FRRS1: variants seen among roughly 807,000 people sequenced by gnomAD.
FRRS1 encodes the protein ferric chelate reductase 1, also known as ferric reductase 1.
FRRS1 carries 51 observed loss-of-function variants against 70.7 expected under a neutral mutation model. The observed-to-expected ratio is 0.72, with a 90% CI of 0.58 to 0.91. FRRS1 has a LOEUF of 0.91. Ranked by LOEUF, FRRS1 falls within the 40% of genes least tolerant of loss-of-function variation. The probability of loss-of-function intolerance (pLI) is 0.00; values close to 1 mark genes in which losing one functional copy is unlikely to be tolerated. For missense variants in FRRS1, 672 were observed against 726.0 expected, an observed-to-expected ratio of 0.93 and a Z score of 0.86; for synonymous variants, 225 against 238.7, an observed-to-expected ratio of 0.94 and a Z score of 0.53.
intron 1 of FRRS1, among the ~76,000 whole-genome samples, chr1:99,760,354 T>C (rs1657057540): frequency 6.6e-6 from 1 of 152,228 alleles, no homozygotes; most frequent in Non-Finnish European, 1.5e-5. Flanking sequence ...CTTTTCTTTC[T>C]AGTAATTTAA....
chr1:99,740,721 C>T, intron 6 of FRRS1, 72 bp downstream of exon 6: 3 of 1,030,736 alleles, frequency 2.9e-6, no homozygotes, highest in Non-Finnish European at 4.5e-6. Flanking sequence ...CACTTGAGCT[C>T]AGGAGTTCGA....
chr1:99,726,946 C>A (rs895056441), intron 9 of FRRS1, among the ~76,000 whole-genome samples: 2 of 152,274 alleles, frequency 1.3e-5, no homozygotes, highest in African/African-American at 4.8e-5. Context: ...AACTCCTGGG[C>A]TCAAGCAATC....
intron 15 of FRRS1, 148 bp from the exon 16 acceptor site, chr1:99,709,407 A>T (rs1396243384): frequency 1.6e-6 from 1 of 623,982 alleles, no homozygotes; most frequent in Admixed American, 3.0e-5. Context: ...GACTTCCTGA[A>T]CAATTAAGCC....
At chr1:99,760,411 G>C (rs1657059165) in intron 1 of FRRS1, among the ~76,000 whole-genome samples, 1 of 152,080 alleles carries the variant, frequency 6.6e-6, no homozygotes, top group South Asian at 2.1e-4. Context: ...AGTTGACTTT[G>C]ATAGCTGAAA....
chr1:99,726,695 C>A (rs1177632927), intron 9 of FRRS1, among the ~76,000 whole-genome samples: 4 of 152,148 alleles, frequency 2.6e-5, no homozygotes, highest in African/African-American at 9.7e-5. Flanking sequence ...AAAATTAATT[C>A]CCTACATTTC....
intron 1 of FRRS1, among the ~76,000 whole-genome samples, chr1:99,758,524 A>G (rs1656952958): frequency 6.6e-6 from 1 of 152,186 alleles, no homozygotes; most frequent in Admixed American, 6.5e-5. Context: ...TAATCTCTTA[A>G]TCCTGTTAGC....
intron 10 of FRRS1, among the ~76,000 whole-genome samples, chr1:99,718,220 C>T (rs1273573550): frequency 6.6e-6 from 1 of 152,236 alleles, no homozygotes; most frequent in Non-Finnish European, 1.5e-5. Flanking sequence ...ATACCCTACA[C>T]TACTCCCATA....
At chr1:99,734,215 C>T (rs933886150) in intron 7 of FRRS1, among the ~76,000 whole-genome samples, 1 of 152,086 alleles carries the variant, frequency 6.6e-6, no homozygotes, top group Non-Finnish European at 1.5e-5. Flanking sequence ...TTTTATAAAA[C>T]AAAGGACTTT....
intron 4 of FRRS1, 52 bp from the exon 5 acceptor site, chr1:99,742,325 G>T: frequency 9.4e-7 from 1 of 1,066,396 alleles, no homozygotes; most frequent in South Asian, 1.3e-5. Context: ...AGCTCAGCAT[G>T]GCTGGAACTT....
In FRRS1 at chr1:99,717,486, A is replaced by G. The variant is rs866097624; in HGVS notation, c.1160T>C (p.Ile387Thr). Residue 387 changes from isoleucine to threonine, a missense_variant, in exon 11 of 17, where the codon ATA becomes ACA. Physicochemically the swap from Ile to Thr is moderately conservative, Grantham distance 89. Coordinates refer to ENST00000646001, the MANE Select transcript of FRRS1 (RefSeq NM_001361041.2). ...GAAGAACCGGGCAACCAGTACACCT[A>G]TGCTAACAGTAGTCATCCATGCCAC... ...MFVAWMTTVS[I>T]GVLVARFFKP... The G allele has an allele frequency of 3.1e-6, 5 of 1,614,040 alleles. No homozygotes were observed. In the African/African-American group the frequency reaches 4.0e-5, roughly 13 times the overall value.
At chr1:99,751,198 A>T (rs1656551396) in intron 1 of FRRS1, among the ~76,000 whole-genome samples, 1 of 152,052 alleles carries the variant, frequency 6.6e-6, no homozygotes, top group Admixed American at 6.5e-5. Context: ...AAACCACAGG[A>T]CTTACACCAG....
At position 99,740,899 on chromosome 1, in the gene FRRS1, A is replaced by C; in HGVS notation, c.470T>G (p.Ile157Ser). 1 of 1,609,588 alleles carries C rather than the reference A, an allele frequency of 6.2e-7. No individual in the cohort carries two copies. Among genetic ancestry groups the C allele is most frequent in the Non-Finnish European group, 8.5e-7 (1 of 1,175,834 alleles). The change falls in exon 6 of 17, where the codon ATT (isoleucine) becomes AGT (serine). Residue 157 changes from isoleucine (I) to serine (S), a missense_variant. Coordinates refer to ENST00000646001, the MANE Select transcript of FRRS1 (RefSeq NM_001361041.2). The part of the protein sequence containing the change: ...VEKYKIYWVK[I>S]PGPIISQPNA... ...TGGTTGTGAAATTATAGGACCAGGA[A>C]TCTTCACCCAGTAGATTTTATACTT... is the stretch of plus-strand genomic sequence containing the variant.
At chr1:99,718,291 A>G (rs1328314156) in intron 10 of FRRS1, among the ~76,000 whole-genome samples, 7 of 152,140 alleles carry the variant, frequency 4.6e-5, no homozygotes, top group Admixed American at 4.6e-4. Context: ...ATCAACTTTC[A>G]TCTGTAGAAC....
intron 15 of FRRS1, among the ~76,000 whole-genome samples, chr1:99,709,669 T>C (rs138641906): frequency 6.6e-6 from 1 of 152,290 alleles, no homozygotes; most frequent in African/African-American, 2.4e-5. Flanking sequence ...TATATGTATT[T>C]TAGACAGTAA....
intron 9 of FRRS1, 64 bp from the exon 10 acceptor site, chr1:99,719,711 T>A: frequency 1.1e-6 from 1 of 911,008 alleles, no homozygotes; most frequent in Non-Finnish European, 1.8e-6. Context: ...AAAAAAGGAA[T>A]TGAGATACGG....
chr1:99,741,253 A>T (rs1303749643), intron 5 of FRRS1, among the ~76,000 whole-genome samples: 2 of 152,252 alleles, frequency 1.3e-5, no homozygotes, highest in Non-Finnish European at 2.9e-5. Flanking sequence ...TATGAAGAAC[A>T]TACTACAAGT....
In FRRS1 at chr1:99,747,316, A is replaced by C; in HGVS notation, c.311T>G (p.Leu104Arg). 2 of 1,613,794 alleles carry C rather than the reference A, an allele frequency of 1.2e-6. No homozygotes were observed. Among genetic ancestry groups the C allele is most frequent in the South Asian group, 2.2e-5 (2 of 91,010 alleles). The part of the protein sequence containing the change: ...FTLIDSEVSQ[L>R]LTCEDIQGSA... ...AACCTGTATATCTTCACAGGTCAAA[A>C]GTTGTGACACTTCACTGTCAATCAA... Residue 104 changes from leucine (L) to arginine (R), a missense_variant, in exon 4 of 17, where the codon CTT becomes CGT. Coordinates refer to ENST00000646001, the MANE Select transcript of FRRS1 (RefSeq NM_001361041.2).
chr1:99,712,016 T>C (rs1654294112), intron 14 of FRRS1, 89 bp downstream of exon 14: 1 of 815,550 alleles, frequency 1.2e-6, no homozygotes, highest in Non-Finnish European at 2.1e-6. Flanking sequence ...CAATTACTAA[T>C]GCATCTAAAA....
At chr1:99,712,350 A>G in intron 13 of FRRS1, 68 bp downstream of exon 13, 6 of 1,202,476 alleles carry the variant, frequency 5.0e-6, no homozygotes, top group Non-Finnish European at 7.1e-6. Flanking sequence ...TCCATTTGAA[A>G]ACAGATTAGT....
Sources: allele counts gnomAD v4.1 joint callset (sites outside exome capture counted in the v4.1 genomes callset), GRCh38; gene constraint gnomAD v4.1.1; transcripts MANE v1.5; gene names NCBI Gene and HGNC (gene_info 2026-07-23, HGNC 2026-07-21).